APBB2: variants seen among roughly 807,000 people sequenced by gnomAD.
APBB2 encodes Fe65-like 1.
Under a neutral mutation model 82.5 loss-of-function variants are expected in APBB2, and 38 were observed. The observed-to-expected ratio is 0.46, with a 90% confidence interval of 0.36 to 0.60. APBB2 has a LOEUF of 0.60. APBB2 is among the 20% of genes least tolerant of loss of function. The probability of loss-of-function intolerance (pLI) is 0.00; values close to 1 mark genes in which losing one functional copy is unlikely to be tolerated. For synonymous variants in APBB2, 341 were observed against 368.2 expected, an observed-to-expected ratio of 0.93 and a Z score of 0.85; for missense variants, 772 against 972.3, an observed-to-expected ratio of 0.79 and a Z score of 2.74.
intron 3 of APBB2, among the ~76,000 whole-genome samples, chr4:41,093,380 C>A (rs1232342407): frequency 1.3e-5 from 2 of 152,140 alleles, no homozygotes; most frequent in African/African-American, 4.8e-5. Context: ...AAATTCTGTC[C>A]TACAAGTTCA....
chr4:40,948,760 T>TAAAA (rs34662232), intron 6 of APBB2, among the ~76,000 whole-genome samples: 17 of 83,352 alleles, frequency 2.0e-4, no homozygotes, highest in African/African-American at 7.7e-4. Flanking sequence ...ACTCCCATCT[T>TAAAA]AAAAAAAAAA....
chr4:41,181,519 C>T (rs1771339860), intron 1 of APBB2, among the ~76,000 whole-genome samples: 1 of 152,204 alleles, frequency 6.6e-6, no homozygotes, highest in Non-Finnish European at 1.5e-5. Context: ...AGTAAACATC[C>T]TTTTAGGTCA....
At chr4:40,829,576 A>C (rs1751158389) in intron 13 of APBB2, among the ~76,000 whole-genome samples, 1 of 152,156 alleles carries the variant, frequency 6.6e-6, no homozygotes, top group African/African-American at 2.4e-5. Context: ...TCCAAGAGGA[A>C]GATTTCGGGT....
At chr4:40,992,732 C>T (rs896086595) in intron 6 of APBB2, among the ~76,000 whole-genome samples, 10 of 152,146 alleles carry the variant, frequency 6.6e-5, no homozygotes, top group African/African-American at 1.9e-4. Context: ...GACCGACCCC[C>T]GATGTCCAGG....
intron 1 of APBB2, among the ~76,000 whole-genome samples, chr4:41,164,974 AAAGGGCTTT>A (rs1766120067): frequency 6.6e-6 from 1 of 152,226 alleles, no homozygotes; most frequent in Non-Finnish European, 1.5e-5. Context: ...TTTATTTTAC[AAAGGGCTTT>A]AAGTGAGAAT....
At chr4:41,076,150 G>A (rs1735566001) in intron 3 of APBB2, among the ~76,000 whole-genome samples, 1 of 152,146 alleles carries the variant, frequency 6.6e-6, no homozygotes, top group Admixed American at 6.5e-5. Context: ...TTTCAAAGCA[G>A]GGGCAGACAA....
intron 10 of APBB2, among the ~76,000 whole-genome samples, chr4:40,919,495 G>C (rs899823938): frequency 6.6e-6 from 1 of 152,154 alleles, no homozygotes; most frequent in Non-Finnish European, 1.5e-5. Context: ...TGGAAAAAAA[G>C]AAATCCATGC....
chr4:40,890,544 A>T, intron 11 of APBB2, 53 bp from the exon 12 acceptor site: 2 of 1,600,214 alleles, frequency 1.2e-6, no homozygotes, highest in Non-Finnish European at 1.7e-6. Flanking sequence ...TGGAAAGCCT[A>T]ATCGTGTGTG....
intron 3 of APBB2, among the ~76,000 whole-genome samples, chr4:41,094,100 A>G (rs953314431): frequency 6.6e-6 from 1 of 152,230 alleles, no homozygotes; most frequent in Admixed American, 6.5e-5. Context: ...CTATAAATGT[A>G]TACAATTTTT....
chr4:41,015,623 T>C (rs540994309), intron 5 of APBB2, among the ~76,000 whole-genome samples: 2 of 152,200 alleles, frequency 1.3e-5, no homozygotes, highest in Admixed American at 6.5e-5. Context: ...GTCCCTATGC[T>C]TCCAGGAAGC....
At chr4:41,093,108 C>CTGCT (rs1742343560) in intron 3 of APBB2, among the ~76,000 whole-genome samples, 2 of 152,296 alleles carry the variant, frequency 1.3e-5, no homozygotes, top group Non-Finnish European at 2.9e-5. Flanking sequence ...CTCAGTTGTG[C>CTGCT]TGCTCTCCTG....
At chr4:41,149,748 C>CCAGT (rs1338486326) in intron 1 of APBB2, among the ~76,000 whole-genome samples, 1 of 152,092 alleles carries the variant, frequency 6.6e-6, no homozygotes, top group Non-Finnish European at 1.5e-5. Flanking sequence ...TGGCAGGGAC[C>CCAGT]CAGTGGGCGG....
intron 6 of APBB2, among the ~76,000 whole-genome samples, chr4:40,995,609 A>C (rs1803419660): frequency 6.6e-6 from 1 of 151,440 alleles, no homozygotes; most frequent in Non-Finnish European, 1.5e-5. Flanking sequence ...AGTGGCACAA[A>C]CACAGCTCAC....
intron 6 of APBB2, among the ~76,000 whole-genome samples, chr4:41,006,177 A>C (rs183265344): frequency 1.1e-4 from 17 of 152,342 alleles, no homozygotes; most frequent in Admixed American, 3.9e-4. Context: ...TTTCTTTCTT[A>C]AGTTCAGGGG....
At chr4:41,117,177 A>G (rs534993885) in intron 2 of APBB2, among the ~76,000 whole-genome samples, 3 of 151,980 alleles carry the variant, frequency 2.0e-5, no homozygotes, top group East Asian at 1.9e-4. Flanking sequence ...CTTTAAGAAG[A>G]TATTTACTAA....
At chr4:41,042,249 A>G (rs1721802167) in intron 4 of APBB2, among the ~76,000 whole-genome samples, 1 of 152,170 alleles carries the variant, frequency 6.6e-6, no homozygotes, top group Admixed American at 6.5e-5. Context: ...TCAGCCTCCC[A>G]AAGTGCTAGG....
intron 3 of APBB2, among the ~76,000 whole-genome samples, chr4:41,087,207 A>G (rs1740078538): frequency 6.6e-6 from 1 of 152,234 alleles, no homozygotes; most frequent in South Asian, 2.1e-4. Context: ...TTCACAGATT[A>G]GAACACTTAG....
At chr4:41,148,513 C>T (rs960538936) in intron 1 of APBB2, among the ~76,000 whole-genome samples, 1 of 152,154 alleles carries the variant, frequency 6.6e-6, no homozygotes, top group African/African-American at 2.4e-5. Context: ...TACTAAGAAA[C>T]CACTATGCTG....
At chr4:40,863,556 G>C (rs1293549129) in intron 12 of APBB2, among the ~76,000 whole-genome samples, 1 of 152,076 alleles carries the variant, frequency 6.6e-6, no homozygotes, top group East Asian at 1.9e-4. Flanking sequence ...TGATCACACG[G>C]ACAAATGAGC....
Sources: allele counts gnomAD v4.1 joint callset (sites outside exome capture counted in the v4.1 genomes callset), GRCh38; gene constraint gnomAD v4.1.1; transcripts MANE v1.5; gene names NCBI Gene and HGNC (gene_info 2026-07-23, HGNC 2026-07-21).